The following PRIM2 variants were observed in gnomAD, a reference collection of about 807,000 sequenced individuals.
PRIM2 encodes the protein DNA primase large subunit.
In PRIM2, 39 loss-of-function variants were observed where a neutral mutation model predicts 67.3. That is an observed-to-expected ratio of 0.58 (90% confidence interval 0.45 to 0.76). The LOEUF (loss-of-function observed/expected upper bound fraction) is 0.76, where lower values mean the gene tolerates loss of function less well. Among genes scored for constraint, PRIM2 ranks in the 30% least tolerant of loss-of-function variants. The probability of loss-of-function intolerance (pLI) is 0.00; values close to 1 mark genes in which losing one functional copy is unlikely to be tolerated. For missense variants in PRIM2, 398 were observed against 598.7 expected, an observed-to-expected ratio of 0.66 and a Z score of 3.50; for synonymous variants, 143 against 198.7, an observed-to-expected ratio of 0.72 and a Z score of 2.36.
chr6:57,400,015 C>T (rs1323365859), intron 7 of PRIM2, among the ~76,000 whole-genome samples: 3 of 152,176 alleles, frequency 2.0e-5, no homozygotes, highest in Non-Finnish European at 4.4e-5. Flanking sequence ...AGAAATGGGT[C>T]TCTTGAAGAC....
Position 57,318,611 on chromosome 6 carries a change from T to A in PRIM2, c.154+12T>A. 1 of 1,531,582 alleles carries A rather than the reference T, an allele frequency of 6.5e-7. No homozygotes were observed. The highest frequency in any genetic ancestry group is 8.9e-7 in the Non-Finnish European group (1 of 1,128,130). 94.9% of individuals were successfully genotyped at this position (1,531,582 alleles called of 1,614,324 possible). Reference sequence around the variant, plus strand: ...TGATAGAGTTAAATGTAAGTACTATTTAAATTAGAATGTATATATTCTTGA... The same window carrying A: ...TGATAGAGTTAAATGTAAGTACTATATAAATTAGAATGTATATATTCTTGA... On this transcript the variant is annotated intron_variant, in intron 2 of 13. Transcript: ENST00000615550.
chr6:57,408,088 C>G (rs1249145881), intron 7 of PRIM2, among the ~76,000 whole-genome samples: 17 of 152,158 alleles, frequency 1.1e-4, no homozygotes, highest in African/African-American at 4.1e-4. Flanking sequence ...CCTTTTTTTT[C>G]CCCACTTTGG....
the PRIM2 span, among the ~76,000 whole-genome samples, chr6:57,268,883 G>A: frequency 6.7e-6 from 1 of 149,168 alleles, no homozygotes; most frequent in South Asian, 2.1e-4. Context: ...AACATGCGGT[G>A]TTTGGTTTTT....
At chr6:57,562,802 T>C (rs1259993522) in intron 10 of PRIM2, among the ~76,000 whole-genome samples, 3 of 152,210 alleles carry the variant, frequency 2.0e-5, no homozygotes, top group Non-Finnish European at 4.4e-5. Context: ...CTCATACCGA[T>C]GCTCTCAGCA....
chr6:57,572,862 G>A lies in PRIM2; in HGVS notation c.1021-28231G>A, dbSNP rs1159968821. On this transcript the variant is annotated intron_variant, in intron 10 of 13. Coordinates refer to ENST00000615550, the MANE Select transcript of PRIM2 (RefSeq NM_000947.5). Reference sequence around the variant, plus strand: ...CTAGCCTTTTTACAAATCACCTAATGTAGCTGCTTGGGAAAGGGCTCTCAT... The same window carrying A: ...CTAGCCTTTTTACAAATCACCTAATATAGCTGCTTGGGAAAGGGCTCTCAT... Among the ~76,000 whole-genome samples, 14 of 152,300 alleles carry A rather than the reference G, an allele frequency of 9.2e-5. No individual in the cohort carries two copies. The East Asian group carries it at 2.5e-3, about 27-fold the overall frequency.
chr6:57,340,533 A>G (rs1202616984), intron 5 of PRIM2, among the ~76,000 whole-genome samples: 1 of 152,222 alleles, frequency 6.6e-6, no homozygotes, highest in African/African-American at 2.4e-5. Context: ...GCCATAAAAA[A>G]TGATGAGTTC....
In PRIM2 at chr6:57,531,467, A is replaced by G. The variant is rs1232150679; in HGVS notation, c.762-944A>G. On this transcript the variant is annotated intron_variant, in intron 8 of 13. Coordinates refer to ENST00000615550, the MANE Select transcript of PRIM2 (RefSeq NM_000947.5). ...ATCTTTGGTTTGATTGTGAATTTCTATGTAATCTAGCAGCTGTTTTTTGCT... is the reference window on the plus strand; with the variant it reads ...ATCTTTGGTTTGATTGTGAATTTCTGTGTAATCTAGCAGCTGTTTTTTGCT... 7.7e-3 allele frequency among the ~76,000 whole-genome samples: 1,170 copies of G among 152,202 alleles called. 14 individuals are homozygous for G. Among genetic ancestry groups the G allele is most frequent in the African/African-American group, 0.027 (1,108 of 41,514 alleles).
chr6:57,364,027 G>A (rs1171627911), intron 5 of PRIM2, among the ~76,000 whole-genome samples: 1 of 143,086 alleles, frequency 7.0e-6, no homozygotes, highest in Non-Finnish European at 1.5e-5. Context: ...TGTTTTGTCT[G>A]TTCTACTCCC....
chr6:57,602,402 T>G (rs1776487176), intron 11 of PRIM2, among the ~76,000 whole-genome samples: 1 of 152,182 alleles, frequency 6.6e-6, no homozygotes, highest in African/African-American at 2.4e-5. Context: ...TCCCTTGAGG[T>G]GCTTTTTTAG....
chr6:57,583,983 A>G (rs1776146556), intron 10 of PRIM2, among the ~76,000 whole-genome samples: 1 of 152,294 alleles, frequency 6.6e-6, no homozygotes, highest in Non-Finnish European at 1.5e-5. Context: ...CTTGTTAAAC[A>G]CTAAAGATCT....
intron 7 of PRIM2, among the ~76,000 whole-genome samples, chr6:57,428,224 G>A (rs1342724669): frequency 6.6e-6 from 1 of 151,998 alleles, no homozygotes; most frequent in Non-Finnish European, 1.5e-5. Context: ...TTGTCTTATT[G>A]CTGAAGTGTA....
At chr6:57,462,124 T>C (rs1773028043) in intron 7 of PRIM2, among the ~76,000 whole-genome samples, 1 of 152,176 alleles carries the variant, frequency 6.6e-6, no homozygotes, top group Admixed American at 6.5e-5. Context: ...CATGCTCAAG[T>C]AAGTCAAAAT....
At chr6:57,611,313 A>C (rs1367221525) in intron 12 of PRIM2, among the ~76,000 whole-genome samples, 1 of 152,234 alleles carries the variant, frequency 6.6e-6, no homozygotes, top group Admixed American at 6.5e-5. Flanking sequence ...TAAGATCTTT[A>C]TATGAAAGAC....
intron 5 of PRIM2, among the ~76,000 whole-genome samples, chr6:57,374,681 C>A (rs1383325863): frequency 6.6e-6 from 1 of 152,096 alleles, no homozygotes; most frequent in African/African-American, 2.4e-5. Context: ...ACCTCCACCT[C>A]CCAGGTTCAA....
At chr6:57,271,766 G>C in the PRIM2 span, among the ~76,000 whole-genome samples, 1 of 152,134 alleles carries the variant, frequency 6.6e-6, no homozygotes, top group South Asian at 2.1e-4. Flanking sequence ...TGGGCATTTA[G>C]TGCTATAAAT....
chr6:57,480,948 C>A (rs1164705714), intron 7 of PRIM2, among the ~76,000 whole-genome samples: 2 of 152,036 alleles, frequency 1.3e-5, no homozygotes, highest in South Asian at 4.2e-4. Context: ...TTTCTTATTT[C>A]AAGAATATTA....
chr6:57,234,350 C>T, the PRIM2 span, among the ~76,000 whole-genome samples: 1 of 152,176 alleles, frequency 6.6e-6, no homozygotes, highest in African/African-American at 2.4e-5. Context: ...AATACTAGCT[C>T]ATTTAGTATT....
chr6:57,511,125 A>G (rs1554347674), intron 8 of PRIM2, among the ~76,000 whole-genome samples: 48,857 of 151,320 alleles, frequency 0.32, 7,672 homozygotes, highest in East Asian at 0.44. Context: ...AAATTCTCAA[A>G]TCATTTTACA....
chr6:57,472,083 T>G (rs1276306184), intron 7 of PRIM2, among the ~76,000 whole-genome samples: 13 of 152,078 alleles, frequency 8.5e-5, no homozygotes, highest in Non-Finnish European at 1.9e-4. Flanking sequence ...CAGCTGCTAT[T>G]TAGATGATTT....
Sources: gnomAD v4.1 joint callset for allele counts (sites outside exome capture counted in the v4.1 genomes callset) on GRCh38, gnomAD v4.1.1 for gene constraint, MANE v1.5 for transcripts, NCBI Gene and HGNC (gene_info 2026-07-23, HGNC 2026-07-21) for gene names.